MINDY4: variants seen among roughly 807,000 people sequenced by gnomAD.
MINDY4 encodes the protein MINDY lysine 48 deubiquitinase 4, also known as probable ubiquitin carboxyl-terminal hydrolase MINDY-4.
MINDY4 carries 68 observed loss-of-function variants against 87.0 expected under a neutral mutation model. The ratio of observed to expected loss-of-function variants is 0.78; its 90% confidence interval spans 0.64 to 0.96. The LOEUF is 0.96. MINDY4 is among the 40% of genes least tolerant of loss of function. MINDY4 has a pLI of 0.00. For missense variants in MINDY4, 919 were observed against 928.2 expected (o/e 0.99, Z 0.13); for synonymous variants, 379 against 363.2 (o/e 1.04, Z -0.50).
chr7:30,815,144 C>T (rs1035106043), intron 5 of MINDY4, among the ~76,000 whole-genome samples: 31 of 152,186 alleles, frequency 2.0e-4, no homozygotes, highest in African/African-American at 6.0e-4. Context: ...AACATCTCCA[C>T]ACAGCTTTTC....
At chr7:30,887,984 T>G (rs1790683018) in intron 17 of MINDY4, among the ~76,000 whole-genome samples, 1 of 152,162 alleles carries the variant, frequency 6.6e-6, no homozygotes, top group Non-Finnish European at 1.5e-5. Flanking sequence ...GTCTGGAGAT[T>G]TAAAGCATAC....
intron 15 of MINDY4, among the ~76,000 whole-genome samples, chr7:30,880,342 T>A (rs768144626): frequency 7.3e-6 from 1 of 136,434 alleles, no homozygotes; most frequent in Non-Finnish European, 1.6e-5. Flanking sequence ...CCCAAGCCTT[T>A]GGTTACCCAA....
rs11981276 is a variant in MINDY4, at chr7:30,788,360, T to G, written c.663+2368T>G. Reference sequence around the variant, plus strand: ...GCTTGATATGTCTTGCACTTTGAAGTTTTTACCCCTGAATGATTTAGTAAC... The same window carrying G: ...GCTTGATATGTCTTGCACTTTGAAGGTTTTACCCCTGAATGATTTAGTAAC... On this transcript the variant is annotated intron_variant, in intron 4 of 17. Coordinates refer to ENST00000265299, the MANE Select transcript of MINDY4 (RefSeq NM_032222.3). Among the ~76,000 whole-genome samples the G allele has an allele frequency of 5.7e-3, 869 of 152,350 alleles. 4 individuals carry two copies. The highest frequency in any genetic ancestry group is 0.02 in the African/African-American group (825 of 41,576).
At chr7:30,848,925 G>A (rs1193023606) in intron 9 of MINDY4, among the ~76,000 whole-genome samples, 2 of 152,146 alleles carry the variant, frequency 1.3e-5, no homozygotes, top group Non-Finnish European at 2.9e-5. Context: ...AGTCATACGC[G>A]CCATTGATTG....
rs765811437 is a variant in MINDY4, at chr7:30,782,012, CA to C, written c.220del (p.Ile74SerfsTer44). 3 of 1,614,102 alleles carry C rather than the reference CA, an allele frequency of 1.9e-6. No homozygotes were observed. The East Asian group carries it at 6.7e-5, about 36-fold the overall frequency. On this transcript the variant is annotated frameshift_variant, in exon 3 of 18. Coordinates refer to ENST00000265299, the MANE Select transcript of MINDY4 (RefSeq NM_032222.3). LOFTEE classifies it high-confidence loss of function. Reference sequence around the variant, plus strand: ...ATCCTCTAAAAACAAGCCTTGAACTCATCACCAGATACTTTCTGGATCACTT... The same window carrying C: ...ATCCTCTAAAAACAAGCCTTGAACTCTCACCAGATACTTTCTGGATCACTT... The part of the protein sequence containing the change: ...ENPLKTSLEL[I>X]TRYFLDHFGN...
At chr7:30,771,900 C>T (rs1431405216) in intron 1 of MINDY4, among the ~76,000 whole-genome samples, 2 of 152,234 alleles carry the variant, frequency 1.3e-5, no homozygotes, top group Non-Finnish European at 2.9e-5. Flanking sequence ...GGCCTGCGCC[C>T]TAGCCTGGCT....
intron 15 of MINDY4, among the ~76,000 whole-genome samples, chr7:30,880,351 A>G (rs1018462246): frequency 7.2e-5 from 8 of 110,614 alleles, no homozygotes; most frequent in Non-Finnish European, 1.2e-4. Context: ...TTGGTTACCC[A>G]AGAATTTAAA....
chr7:30,854,362 A>G (rs1020705999), intron 12 of MINDY4, among the ~76,000 whole-genome samples: 9 of 152,150 alleles, frequency 5.9e-5, no homozygotes, highest in South Asian at 2.1e-4. Context: ...TGTTGTTGAC[A>G]TTAGGATTGC....
intron 6 of MINDY4, among the ~76,000 whole-genome samples, chr7:30,829,071 T>C (rs557477918): frequency 6.6e-6 from 1 of 152,250 alleles, no homozygotes; most frequent in South Asian, 2.1e-4. Context: ...ACAGTTCTCA[T>C]TCAAAGTATC....
In MINDY4 at chr7:30,804,377, A is replaced by G. The variant is rs180921240; in HGVS notation, c.1073+12803A>G. Reference sequence around the variant, plus strand: ...GGGGCCTTTTCCCAATAAAGTAAACAGTTTTTGATCTCAATCTAAATACAT... The same window carrying G: ...GGGGCCTTTTCCCAATAAAGTAAACGGTTTTTGATCTCAATCTAAATACAT... On this transcript the variant is annotated intron_variant, in intron 5 of 17. Coordinates refer to ENST00000265299, the MANE Select transcript of MINDY4 (RefSeq NM_032222.3). 8.9e-4 allele frequency among the ~76,000 whole-genome samples: 136 copies of G among 152,368 alleles called. 1 individual carries two copies. The highest frequency in any genetic ancestry group is 3.0e-3 in the African/African-American group (123 of 41,586).
At chr7:30,842,947 C>T (rs1035693044) in intron 9 of MINDY4, among the ~76,000 whole-genome samples, 1 of 152,218 alleles carries the variant, frequency 6.6e-6, no homozygotes, top group South Asian at 2.1e-4. Context: ...GGGACCTCCC[C>T]CATTAAGATA....
intron 15 of MINDY4, among the ~76,000 whole-genome samples, chr7:30,879,574 TG>T (rs1790395053): frequency 1.3e-5 from 2 of 152,334 alleles, no homozygotes; most frequent in African/African-American, 2.4e-5. Context: ...TCCCGCAGGC[TG>T]GGGCTTCTCT....
At chr7:30,810,494 C>T (rs1176436331) in intron 5 of MINDY4, among the ~76,000 whole-genome samples, 3 of 151,852 alleles carry the variant, frequency 2.0e-5, no homozygotes, top group African/African-American at 7.3e-5. Context: ...AGTTTTAAAA[C>T]ATAATTATAT....
intron 1 of MINDY4, among the ~76,000 whole-genome samples, chr7:30,775,286 T>C (rs557116807): frequency 6.6e-6 from 1 of 152,240 alleles, no homozygotes; most frequent in South Asian, 2.1e-4. Flanking sequence ...AATTGAGGGT[T>C]CCCACAACCC....
At chr7:30,838,087 C>G (rs1347082438) in intron 7 of MINDY4, among the ~76,000 whole-genome samples, 2 of 152,124 alleles carry the variant, frequency 1.3e-5, no homozygotes, top group Non-Finnish European at 2.9e-5. Flanking sequence ...GGGGCTCACT[C>G]AAGGCTTCAG....
At chr7:30,791,883 TA>T (rs766003863) in intron 5 of MINDY4, among the ~76,000 whole-genome samples, 21 of 151,566 alleles carry the variant, frequency 1.4e-4, no homozygotes, top group East Asian at 1.2e-3. Flanking sequence ...GTTGATGAGC[TA>T]AAAAAAAATT....
intron 4 of MINDY4, 97 bp from the exon 5 acceptor site, chr7:30,791,068 G>A (rs1787310364): frequency 6.8e-6 from 8 of 1,182,220 alleles, no homozygotes; most frequent in Non-Finnish European, 9.6e-6. Context: ...ACATTCCTGG[G>A]AGAGACATCA....
intron 13 of MINDY4, among the ~76,000 whole-genome samples, chr7:30,863,783 G>GT (rs1006618636): frequency 7.2e-5 from 11 of 152,038 alleles, no homozygotes; most frequent in African/African-American, 1.5e-4. Context: ...CCTTGTGAAG[G>GT]TTTTTTTTCC....
rs188682721 is a variant in MINDY4 at position 30,838,785 on chromosome 7, G to C, written c.1240-415G>C. Among the ~76,000 whole-genome samples, 298 of 152,272 alleles carry C rather than the reference G, an allele frequency of 2.0e-3. 2 individuals are homozygous for C. The highest frequency in any genetic ancestry group is 6.7e-3 in the African/African-American group (280 of 41,554). On this transcript the variant is annotated intron_variant, in intron 7 of 17. Transcript: ENST00000265299. ...GGTTTAATTGGCTGGTGTGTTTTCTGAACATCAAGATTGTTTTTAGGAACT... is the reference window on the plus strand; with the variant it reads ...GGTTTAATTGGCTGGTGTGTTTTCTCAACATCAAGATTGTTTTTAGGAACT...
Sources: gnomAD v4.1 joint callset for allele counts (sites outside exome capture counted in the v4.1 genomes callset) on GRCh38, gnomAD v4.1.1 for gene constraint, MANE v1.5 for transcripts, NCBI Gene and HGNC (gene_info 2026-07-23, HGNC 2026-07-21) for gene names.